DLG2: variants seen among roughly 807,000 people sequenced by gnomAD.
The protein encoded by DLG2 is discs large MAGUK scaffold protein 2.
Under a neutral mutation model 132.5 loss-of-function variants are expected in DLG2, and 45 were observed. The observed-to-expected ratio is 0.34, with a 90% confidence interval of 0.27 to 0.44. The LOEUF (loss-of-function observed/expected upper bound fraction) is 0.44, where lower values mean the gene tolerates loss of function less well. Among genes scored for constraint, DLG2 ranks in the 20% least tolerant of loss-of-function variants. The pLI is 1.00. For missense variants in DLG2, 1,045 were observed against 1,196.9 expected (o/e 0.87, Z 1.87); for synonymous variants, 424 against 419.6 (o/e 1.01, Z -0.13).
chr11:84,861,222 G>C (rs2083574036), intron 6 of DLG2, among the ~76,000 whole-genome samples: 1 of 152,018 alleles, frequency 6.6e-6, no homozygotes, highest in African/African-American at 2.4e-5. Flanking sequence ...CTTCCTAAAG[G>C]AGATCATATG....
At chr11:84,999,173 T>G (rs1048571749) in intron 6 of DLG2, among the ~76,000 whole-genome samples, 1 of 152,042 alleles carries the variant, frequency 6.6e-6, no homozygotes, top group Admixed American at 6.6e-5. Context: ...TGCAACATTA[T>G]GTAATAGAAA....
intron 15 of DLG2, among the ~76,000 whole-genome samples, chr11:83,922,323 G>A (rs1227460006): frequency 6.6e-6 from 1 of 152,056 alleles, no homozygotes; most frequent in African/African-American, 2.4e-5. Flanking sequence ...AGTGGCCTCT[G>A]TCACTCTGGG....
chr11:84,709,689 A>G (rs189364941), intron 6 of DLG2, among the ~76,000 whole-genome samples: 6 of 151,974 alleles, frequency 3.9e-5, no homozygotes, highest in Admixed American at 3.3e-4. Context: ...TACAGAGGGT[A>G]GAATAGGATA....
chr11:84,669,194 C>T (rs1368290864), intron 6 of DLG2, among the ~76,000 whole-genome samples: 1 of 151,962 alleles, frequency 6.6e-6, no homozygotes, highest in Non-Finnish European at 1.5e-5. Flanking sequence ...TGGGGTCTGG[C>T]ACTTCAAACC....
At chr11:85,085,485 A>G (rs1328804323) in intron 6 of DLG2, among the ~76,000 whole-genome samples, 1 of 152,022 alleles carries the variant, frequency 6.6e-6, no homozygotes, top group Non-Finnish European at 1.5e-5. Flanking sequence ...TACCTTCCCA[A>G]TTAGATCATG....
intron 7 of DLG2, among the ~76,000 whole-genome samples, chr11:84,264,764 T>C (rs189288659): frequency 2.0e-5 from 3 of 152,310 alleles, no homozygotes; most frequent in Admixed American, 6.5e-5. Context: ...TGCAATCATC[T>C]CGTGACTGCT....
intron 11 of DLG2, among the ~76,000 whole-genome samples, chr11:84,056,666 C>T (rs551036312): frequency 2.9e-4 from 44 of 152,228 alleles, no homozygotes; most frequent in African/African-American, 1.0e-3. Context: ...GTTAAGACCA[C>T]GAGGTATCAT....
intron 14 of DLG2, among the ~76,000 whole-genome samples, chr11:83,931,934 G>GC (rs2080321425): frequency 1.3e-5 from 2 of 152,072 alleles, no homozygotes; most frequent in African/African-American, 4.8e-5. Context: ...TACTGATATC[G>GC]CAGGTTCATT....
intron 3 of DLG2, among the ~76,000 whole-genome samples, chr11:85,349,909 T>C (rs528126308): frequency 6.6e-6 from 1 of 152,224 alleles, no homozygotes; most frequent in African/African-American, 2.4e-5. Context: ...TGATTTATAA[T>C]CCTTTGGGTA....
At chr11:83,891,105 G>A (rs1272275210) in intron 15 of DLG2, among the ~76,000 whole-genome samples, 2 of 152,106 alleles carry the variant, frequency 1.3e-5, no homozygotes, top group African/African-American at 2.4e-5. Context: ...AGTCAGTAAT[G>A]GTCTAAAAAG....
intron 3 of DLG2, among the ~76,000 whole-genome samples, chr11:85,400,774 G>A (rs1012543669): frequency 1.3e-4 from 19 of 151,438 alleles, no homozygotes; most frequent in Admixed American, 9.9e-4. Flanking sequence ...ACACTCTGGA[G>A]ACTGTTGTGG....
intron 6 of DLG2, among the ~76,000 whole-genome samples, chr11:84,792,490 G>T (rs574910063): frequency 6.6e-6 from 1 of 152,110 alleles, no homozygotes; most frequent in African/African-American, 2.4e-5. Flanking sequence ...GGAATACTTT[G>T]AGTAGAATTG....
At chr11:83,725,732 C>T (rs894961485) in intron 18 of DLG2, among the ~76,000 whole-genome samples, 4 of 152,160 alleles carry the variant, frequency 2.6e-5, no homozygotes, top group African/African-American at 9.7e-5. Context: ...AACCATTTTC[C>T]AGGTACGCTT....
chr11:84,266,390 C>T (rs2154360846), intron 7 of DLG2, among the ~76,000 whole-genome samples: 1 of 152,284 alleles, frequency 6.6e-6, no homozygotes, highest in Middle Eastern at 3.4e-3. Context: ...TGGTGTAGTT[C>T]CCCTCTCTGC....
intron 18 of DLG2, among the ~76,000 whole-genome samples, chr11:83,661,889 T>C (rs2074372628): frequency 6.6e-6 from 1 of 152,238 alleles, no homozygotes. Context: ...GAATCATTCA[T>C]GTAAATGACA....
At chr11:85,145,010 T>C (rs574180442) in intron 5 of DLG2, among the ~76,000 whole-genome samples, 1 of 152,234 alleles carries the variant, frequency 6.6e-6, no homozygotes, top group Non-Finnish European at 1.5e-5. Flanking sequence ...AAGTCCACTG[T>C]TGATGAAATC....
At chr11:84,295,596 C>A (rs1252044646) in intron 7 of DLG2, among the ~76,000 whole-genome samples, 1 of 152,148 alleles carries the variant, frequency 6.6e-6, no homozygotes, top group Admixed American at 6.5e-5. Context: ...TCTACTTGAA[C>A]TTCCTCATTT....
chr11:83,996,474 C>A (rs1490738392), intron 11 of DLG2, among the ~76,000 whole-genome samples: 1 of 152,090 alleles, frequency 6.6e-6, no homozygotes, highest in Non-Finnish European at 1.5e-5. Context: ...CTTATGGCTA[C>A]CGAAAGAAAG....
intron 7 of DLG2, among the ~76,000 whole-genome samples, chr11:84,403,697 C>G (rs140052319): frequency 6.0e-4 from 91 of 152,308 alleles, no homozygotes; most frequent in African/African-American, 2.2e-3. Context: ...TCAACTCTAA[C>G]TTCTACTCTT....
Sources: allele counts gnomAD v4.1 joint callset (sites outside exome capture counted in the v4.1 genomes callset), GRCh38; gene constraint gnomAD v4.1.1; transcripts MANE v1.5; gene names NCBI Gene and HGNC (gene_info 2026-07-23, HGNC 2026-07-21).